CDK18: variants seen among roughly 807,000 people sequenced by gnomAD.
CDK18 encodes cyclin dependent kinase 18.
A neutral mutation model predicts 62.0 loss-of-function variants in CDK18; 52 were observed. The observed-to-expected ratio is 0.84, with a 90% CI of 0.67 to 1.06. The LOEUF (loss-of-function observed/expected upper bound fraction) is 1.06, where lower values mean the gene tolerates loss of function less well. Among genes scored for constraint, CDK18 ranks in the 50% least tolerant of loss-of-function variants. The pLI, the probability that CDK18 is intolerant of heterozygous loss-of-function variation, is 0.00. For missense variants in CDK18, 604 were observed against 619.9 expected (o/e 0.97, Z 0.27); for synonymous variants, 237 against 247.0 (o/e 0.96, Z 0.38).
chr1:205,524,551 T>G (rs1042846017), intron 4 of CDK18, among the ~76,000 whole-genome samples, 194 bp downstream of exon 4: 29 of 152,232 alleles, frequency 1.9e-4, no homozygotes, highest in African/African-American at 6.8e-4. Flanking sequence ...GGGTCTCACT[T>G]GGGCTGGAAT....
At chr1:205,519,099 G>C (rs895043319) in intron 1 of CDK18, among the ~76,000 whole-genome samples, 2 of 152,222 alleles carry the variant, frequency 1.3e-5, no homozygotes, top group Admixed American at 6.5e-5. Flanking sequence ...GACAAAGGCT[G>C]TGCTGTGCCT....
At chr1:205,514,146 G>A (rs1667705790) in intron 1 of CDK18, among the ~76,000 whole-genome samples, 1 of 152,232 alleles carries the variant, frequency 6.6e-6, no homozygotes, top group Non-Finnish European at 1.5e-5. Context: ...ACAGGACAGG[G>A]AGCCAAGTGC....
At position 205,526,106 on chromosome 1, in the gene CDK18, G is replaced by A. The variant is rs573405544; in HGVS notation, c.498G>A (p.Thr166=). The A allele has an allele frequency of 1.1e-4, 170 of 1,614,068 alleles. 1 individual carries two copies. The South Asian group carries it at 1.5e-3, about 14-fold the overall frequency. The change falls in exon 6 of 16, where the codon ACG becomes ACA. Residue 166 remains threonine (T), a synonymous_variant. Coordinates refer to ENST00000429964, the MANE Select transcript of CDK18 (RefSeq NM_212502.3). ...ATVFKGRSKL[T]ENLVALKEIR... Reference sequence around the variant, plus strand: ...TCTTCAAAGGGCGCAGCAAACTGACGGAGAACCTTGTGGCCCTGAAAGAGA... The same window carrying A: ...TCTTCAAAGGGCGCAGCAAACTGACAGAGAACCTTGTGGCCCTGAAAGAGA...
chr1:205,524,139 G>T, intron 3 of CDK18, 93 bp from the exon 4 acceptor site: 12 of 1,451,018 alleles, frequency 8.3e-6, no homozygotes, highest in South Asian at 3.5e-5. Context: ...GTTCTGCAGG[G>T]AACGCTAGGT....
Position 205,528,720 on chromosome 1 carries a change from C to T in CDK18, c.975-279C>T. On this transcript the variant is annotated intron_variant, in intron 10 of 15. Transcript: ENST00000429964. This position sits in a 1 kb window ranked among gnomAD's most constrained non-coding sequence, Gnocchi z 4.2. ...ACTGCTGAGAGAATTGCCACATGGG[C>T]GCTGGCTGCACAGACCCAAACCTCA... 2.5e-6 allele frequency: 1 copy of T among 397,168 alleles called. No individual in the cohort carries two copies. The highest frequency in any genetic ancestry group is 3.7e-5 in the East Asian group (1 of 26,894). 24.6% of individuals were successfully genotyped at this position (397,168 alleles called of 1,614,324 possible). A position where few individuals can be genotyped will look rare whatever the true frequency, so the allele number is the denominator to read the frequency against.
rs1020744692 is a variant in CDK18, at chr1:205,524,297, A to G, written c.339A>G (p.Leu113=). The change falls in exon 4 of 16, where the codon CTA becomes CTG. Residue 113 remains leucine (L), a synonymous_variant. Transcript: ENST00000429964. ...TGCCCCAGGAATTCCTACAGAAGCT[A>G]CAGATGGAGAGCCCAGATCTGCCCA... ...IRLPQEFLQK[L]QMESPDLPKP... is the part of the protein sequence containing the mutation. 6.2e-7 allele frequency: 1 copy of G among 1,614,134 alleles called. No homozygotes were observed. The highest frequency in any genetic ancestry group is 8.5e-7 in the Non-Finnish European group (1 of 1,180,016).
intron 14 of CDK18, 84 bp from the exon 15 acceptor site, chr1:205,530,544 G>A: frequency 7.6e-7 from 1 of 1,316,662 alleles, no homozygotes; most frequent in Non-Finnish European, 1.1e-6. Context: ...CTGCCTCGAG[G>A]GCTCAGTTGG....
intron 1 of CDK18, among the ~76,000 whole-genome samples, chr1:205,521,191 G>A (rs575776836): frequency 2.0e-4 from 30 of 152,270 alleles, no homozygotes; most frequent in African/African-American, 6.3e-4. Flanking sequence ...CAATGCTGGC[G>A]CATAGTAGGT....
chr1:205,506,908 G>T (rs946798166), intron 1 of CDK18, among the ~76,000 whole-genome samples: 1 of 152,212 alleles, frequency 6.6e-6, no homozygotes, highest in African/African-American at 2.4e-5. Flanking sequence ...GTGGGATCAG[G>T]TTGCCAGCCC....
rs1287129817 is a variant in CDK18, at chr1:205,527,969, G to A, written c.853+52G>A. ...TGACGCTACTGGGGTGCCTCAGGGT[G>A]TGGGTGCAGTGGGGGAGGGCATAGC... is the stretch of plus-strand genomic sequence containing the variant. On this transcript the variant is annotated intron_variant, in intron 9 of 15. Transcript: ENST00000429964. The surrounding 1 kb of genome is among the most constrained non-coding windows in gnomAD (Gnocchi z 4.1). The A allele has an allele frequency of 1.2e-6, 2 of 1,612,898 alleles. No homozygotes were observed. Among genetic ancestry groups the A allele is most frequent in the Admixed American group, 1.7e-5 (1 of 59,976 alleles).
chr1:205,523,561 C>T lies in CDK18; in HGVS notation c.209C>T (p.Pro70Leu), dbSNP rs746260003. 5.6e-6 allele frequency: 9 copies of T among 1,602,054 alleles called. No homozygotes were observed. Among genetic ancestry groups the T allele is most frequent in the Admixed American group, 5.1e-5 (3 of 58,470 alleles). ...TFSPTDSGEE[P>L]GQLSPGVQFQ... ...TCCCCAACAGACAGCGGGGAGGAGC[C>T]GGGGCAGCTCTCCCCTGGCGTGCAG... Residue 70 changes from proline to leucine, a missense_variant, in exon 3 of 16, where the codon CCG becomes CTG. Pro to Leu is a moderately conservative substitution (Grantham distance 98, BLOSUM62 -3). Transcript: ENST00000429964.
rs1000894344 is a variant in CDK18 at position 205,527,540 on chromosome 1, G to A, written c.730-254G>A. The A allele has an allele frequency of 2.2e-6, 1 of 460,632 alleles. No individual in the cohort carries two copies. 28.5% of individuals were successfully genotyped at this position (460,632 alleles called of 1,614,324 possible). On this transcript the variant is annotated intron_variant, in intron 8 of 15. Transcript: ENST00000429964. This position sits in a 1 kb window ranked among gnomAD's most constrained non-coding sequence, Gnocchi z 4.1. ...ATGTCTCCACATAGGCGGGCATCCT[G>A]ACCCCCGTGCTCCTGACTGAGACTT...
At chr1:205,523,704 C>G (rs372052332) in intron 3 of CDK18, 79 bp downstream of exon 3, 1 of 1,480,380 alleles carries the variant, frequency 6.8e-7, no homozygotes, top group Non-Finnish European at 9.0e-7. Flanking sequence ...AGCTGCCTTA[C>G]AGCCAGACTT....
chr1:205,519,326 C>A (rs923687064), intron 1 of CDK18, among the ~76,000 whole-genome samples: 7 of 147,102 alleles, frequency 4.8e-5, no homozygotes, highest in Non-Finnish European at 1.1e-4. Flanking sequence ...TCTGCCCTGT[C>A]ACACCCAAGA....
intron 1 of CDK18, among the ~76,000 whole-genome samples, chr1:205,505,739 T>G (rs1575035567): frequency 6.6e-6 from 1 of 151,418 alleles, no homozygotes; most frequent in East Asian, 1.9e-4. Flanking sequence ...CAGTGAGGGG[T>G]TTTCTGTGCT....
chr1:205,523,706 G>T, intron 3 of CDK18, 81 bp downstream of exon 3: 1 of 1,477,834 alleles, frequency 6.8e-7, no homozygotes, highest in Non-Finnish European at 9.0e-7. Context: ...CTGCCTTACA[G>T]CCAGACTTTG....
At chr1:205,511,125 A>C (rs11240502) in intron 1 of CDK18, among the ~76,000 whole-genome samples, 1 of 152,142 alleles carries the variant, frequency 6.6e-6, no homozygotes, top group East Asian at 1.9e-4. Flanking sequence ...AAGTCCCGAC[A>C]GTTTTTGTAT....
chr1:205,524,257 C>G lies in CDK18; in HGVS notation c.299C>G (p.Pro100Arg), dbSNP rs1668300918. The change falls in exon 4 of 16, where the codon CCC becomes CGC. Residue 100 changes from proline to arginine, a missense_variant. Transcript: ENST00000429964. The stretch of plus-strand genomic sequence containing the variant: ...GACGTCAGCAAGAGGCTCTCTCTGC[C>G]CATGGATATCCGCCTGCCCCAGGAA... ...MEDVSKRLSLPMDIRLPQEFL... is the reference protein window; with the variant it reads ...MEDVSKRLSLRMDIRLPQEFL... 6.2e-7 allele frequency: 1 copy of G among 1,614,034 alleles called. No homozygotes were observed. The highest frequency in any genetic ancestry group is 1.3e-5 in the African/African-American group (1 of 74,932).
intron 4 of CDK18, 90 bp downstream of exon 4, chr1:205,524,447 AT>A: frequency 6.7e-7 from 1 of 1,485,698 alleles, no homozygotes; most frequent in African/African-American, 1.4e-5. Context: ...CCTAGATGGG[AT>A]TTCGAGGAAG....
Sources: gnomAD v4.1 joint callset for allele counts (sites outside exome capture counted in the v4.1 genomes callset) on GRCh38, gnomAD v4.1.1 for gene constraint, Gnocchi (gnomAD v3.1) non-coding constraint, MANE v1.5 for transcripts, NCBI Gene and HGNC (gene_info 2026-07-23, HGNC 2026-07-21) for gene names.